The following MS4A5 variants were observed in gnomAD, a reference collection of about 807,000 sequenced individuals.
MS4A5 encodes membrane-spanning 4-domains subfamily A member 5.
Under a neutral mutation model 18.2 loss-of-function variants are expected in MS4A5, and 15 were observed. That is an observed-to-expected ratio of 0.83 (90% CI 0.55 to 1.27). The LOEUF (loss-of-function observed/expected upper bound fraction) is 1.27. Among genes scored for constraint, MS4A5 ranks in the 50% most tolerant of loss-of-function variants. The pLI is 0.00. For synonymous variants in MS4A5, 89 were observed against 78.7 expected, an observed-to-expected ratio of 1.13 and a Z score of -0.69; for missense variants, 232 against 225.7, an observed-to-expected ratio of 1.03 and a Z score of -0.18.
chr11:60,434,612 G>A (rs1466547136), intron 4 of MS4A5, among the ~76,000 whole-genome samples: 1 of 152,160 alleles, frequency 6.6e-6, no homozygotes, highest in Non-Finnish European at 1.5e-5. Context: ...TGGCTATGTG[G>A]ATTAACTCTT....
At position 60,447,642 on chromosome 11, in the gene MS4A5, A is replaced by G; in HGVS notation, c.493-7A>G. 3 of 1,483,442 alleles carry G rather than the reference A, an allele frequency of 2.0e-6. No individual in the cohort carries two copies. The highest frequency in any genetic ancestry group is 2.9e-5 in the African/African-American group (2 of 69,856). 91.9% of individuals were successfully genotyped at this position (1,483,442 alleles called of 1,614,324 possible). A position where few individuals can be genotyped will look rare whatever the true frequency, so the allele number is the denominator to read the frequency against. On this transcript the variant is annotated splice_region_variant and splice_polypyrimidine_tract_variant and intron_variant, in intron 4 of 4. Transcript: ENST00000300190. ...CTTCATTTTTTTTTCTTCTTCTTCTATTACAGGGAATTTTGATTACATTGA... is the reference window on the plus strand; with the variant it reads ...CTTCATTTTTTTTTCTTCTTCTTCTGTTACAGGGAATTTTGATTACATTGA...
rs766865427 is a variant in MS4A5, at chr11:60,429,703, T to C, written c.29T>C (p.Val10Ala). The C allele has an allele frequency of 1.2e-6, 2 of 1,613,616 alleles. No homozygotes were observed. Among genetic ancestry groups the C allele is most frequent in the African/African-American group, 2.7e-5 (2 of 74,890 alleles). Residue 10 changes from valine to alanine, a missense_variant, in exon 1 of 5, where the codon GTG (valine) becomes GCG (alanine). Val to Ala is a moderately conservative substitution (Grantham distance 64). Transcript: ENST00000300190. ...GATTCAAGCACCGCACACAGTCCGGTGTTTCTGGTATTTCCTCCAGAAATC... is the reference window on the plus strand; with the variant it reads ...GATTCAAGCACCGCACACAGTCCGGCGTTTCTGGTATTTCCTCCAGAAATC... MDSSTAHSP[V>A]FLVFPPEITA...
intron 2 of MS4A5, 44 bp from the exon 3 acceptor site, chr11:60,432,367 C>A: frequency 7.6e-7 from 1 of 1,313,156 alleles, no homozygotes; most frequent in Non-Finnish European, 1.1e-6. Flanking sequence ...AACTCAACAT[C>A]AGCTAAACAT....
chr11:60,447,265 C>T lies in MS4A5; in HGVS notation c.493-384C>T, dbSNP rs181783756. 1.8e-4 allele frequency among the ~76,000 whole-genome samples: 27 copies of T among 151,074 alleles called. 1 individual carries two copies. In the East Asian group the frequency reaches 5.3e-3, roughly 30 times the overall value. On this transcript the variant is annotated intron_variant, in intron 4 of 4. Coordinates refer to ENST00000300190, the MANE Select transcript of MS4A5 (RefSeq NM_023945.3). ...CTATCCTATACTATGCTATGCTATC[C>T]TATGGTATCCTATGCTATGCTATGC... is the stretch of plus-strand genomic sequence containing the variant.
chr11:60,436,255 C>T (rs941704838), intron 4 of MS4A5, among the ~76,000 whole-genome samples: 1 of 149,498 alleles, frequency 6.7e-6, no homozygotes, highest in African/African-American at 2.4e-5. Context: ...AAAGGACATC[C>T]ACACCAAAAA....
At chr11:60,431,988 T>C (rs1014923105) in intron 2 of MS4A5, among the ~76,000 whole-genome samples, 50 of 147,152 alleles carry the variant, frequency 3.4e-4, no homozygotes, top group African/African-American at 1.1e-3. Flanking sequence ...TTTTAAGAAC[T>C]ACCAGCACAT....
chr11:60,437,420 CA>C (rs1282687120), intron 4 of MS4A5, among the ~76,000 whole-genome samples: 1 of 150,392 alleles, frequency 6.6e-6, no homozygotes, highest in Non-Finnish European at 1.5e-5. Flanking sequence ...TCACACATAA[CA>C]ATATTAACTT....
intron 4 of MS4A5, among the ~76,000 whole-genome samples, chr11:60,443,908 C>T (rs34715325): frequency 0.27 from 40,701 of 152,048 alleles, 5,896 homozygotes; most frequent in Admixed American, 0.39. Context: ...CAAAACCACC[C>T]GCCATGACTA....
At chr11:60,433,678 T>A in intron 3 of MS4A5, 87 bp from the exon 4 acceptor site, 1 of 1,336,080 alleles carries the variant, frequency 7.5e-7, no homozygotes, top group Non-Finnish European at 1.1e-6. Flanking sequence ...GTGACTAAAA[T>A]CCTGCTCTCC....
chr11:60,447,770 G>T lies in MS4A5; in HGVS notation c.*11G>T. On this transcript the variant is annotated 3_prime_UTR_variant, in exon 5 of 5. Transcript: ENST00000300190. ...GAACAATGTTGTTGACTAGCACTGT[G>T]AGAATAAAGATGTGTTAAAATATTA... 2.1e-6 allele frequency: 3 copies of T among 1,452,514 alleles called. No homozygotes were observed. The highest frequency in any genetic ancestry group is 1.9e-6 in the Non-Finnish European group (2 of 1,049,550). The allele number at this position is 1,452,514 out of a possible 1,614,324, so 90.0% of individuals were successfully genotyped here. A position where few individuals can be genotyped will look rare whatever the true frequency, so the allele number is the denominator to read the frequency against.
chr11:60,442,729 T>C (rs2086120374), intron 4 of MS4A5, among the ~76,000 whole-genome samples: 1 of 152,224 alleles, frequency 6.6e-6, no homozygotes, highest in African/African-American at 2.4e-5. Flanking sequence ...CTTGAACTTA[T>C]TCCTCCTATC....
intron 1 of MS4A5, among the ~76,000 whole-genome samples, chr11:60,430,032 T>A (rs1445313639): frequency 6.6e-6 from 1 of 152,188 alleles, no homozygotes; most frequent in Non-Finnish European, 1.5e-5. Context: ...AATGCTATCA[T>A]TTAGGACTCA....
At position 60,429,837 on chromosome 11, in the gene MS4A5, A is replaced by G; in HGVS notation, c.153+10A>G. ...AATGAAAATCTTAGGGGTAAGTAAGACTTGCCCCTATGTATATTTTACTGA... is the reference window on the plus strand; with the variant it reads ...AATGAAAATCTTAGGGGTAAGTAAGGCTTGCCCCTATGTATATTTTACTGA... On this transcript the variant is annotated intron_variant, in intron 1 of 4. Transcript: ENST00000300190. The G allele has an allele frequency of 6.2e-7, 1 of 1,611,266 alleles. No homozygotes were observed. The highest frequency in any genetic ancestry group is 8.5e-7 in the Non-Finnish European group (1 of 1,179,090).
At position 60,430,939 on chromosome 11, in the gene MS4A5, T is replaced by C. The variant is rs2135169955; in HGVS notation, c.282+15T>C. The C allele has an allele frequency of 6.2e-7, 1 of 1,600,298 alleles. No homozygotes were observed. The highest frequency in any genetic ancestry group is 8.5e-7 in the Non-Finnish European group (1 of 1,176,828). On this transcript the variant is annotated intron_variant, in intron 2 of 4. Coordinates refer to ENST00000300190, the MANE Select transcript of MS4A5 (RefSeq NM_023945.3). ...GCTCTGTTTTGGTGAGTATAGTCAA[T>C]CAAGTTCAATTTGAAGCCATGCCAA...
intron 4 of MS4A5, among the ~76,000 whole-genome samples, chr11:60,442,482 G>T (rs996555204): frequency 5.3e-5 from 8 of 152,098 alleles, no homozygotes; most frequent in African/African-American, 1.4e-4. Flanking sequence ...ACACACCAAG[G>T]CCTGTTGGGG....
intron 4 of MS4A5, among the ~76,000 whole-genome samples, chr11:60,435,921 G>T (rs2086077583): frequency 6.6e-6 from 1 of 152,240 alleles, no homozygotes. Flanking sequence ...CAACTGGGTG[G>T]ATCCCACGAC....
chr11:60,429,964 G>A, intron 1 of MS4A5, 137 bp downstream of exon 1: 3 of 834,508 alleles, frequency 3.6e-6, no homozygotes, highest in South Asian at 1.8e-5. Flanking sequence ...GTGTTGGTGG[G>A]CCATTTGAGA....
At chr11:60,447,415 C>G (rs1355018267) in intron 4 of MS4A5, among the ~76,000 whole-genome samples, 1 of 152,180 alleles carries the variant, frequency 6.6e-6, no homozygotes, top group Non-Finnish European at 1.5e-5. Context: ...CTATGCTATG[C>G]TATCCTAGGC....
At chr11:60,443,720 T>C (rs1565189182) in intron 4 of MS4A5, among the ~76,000 whole-genome samples, 1 of 151,898 alleles carries the variant, frequency 6.6e-6, no homozygotes, top group East Asian at 1.9e-4. Context: ...CTAATAAAAT[T>C]GGTAAACCCC....
Sources: gnomAD v4.1 joint callset for allele counts (sites outside exome capture counted in the v4.1 genomes callset) on GRCh38, gnomAD v4.1.1 for gene constraint, MANE v1.5 for transcripts, NCBI Gene and HGNC (gene_info 2026-07-23, HGNC 2026-07-21) for gene names.